The following ESRRG variants were observed in gnomAD, a reference collection of about 807,000 sequenced individuals.
ESRRG encodes the protein estrogen-related receptor gamma.
Under a neutral mutation model 44.0 loss-of-function variants are expected in ESRRG, and 13 were observed. The ratio of observed to expected loss-of-function variants is 0.30; its 90% CI spans 0.19 to 0.47. The LOEUF (loss-of-function observed/expected upper bound fraction) is 0.47. Among genes scored for constraint, ESRRG ranks in the 20% least tolerant of loss-of-function variants. The pLI, the probability that ESRRG is intolerant of heterozygous loss-of-function variation, is 1.00. For synonymous variants in ESRRG, 215 were observed against 214.6 expected (o/e 1.00, Z -0.02); for missense variants, 395 against 580.6 (o/e 0.68, Z 3.29).
chr1:216,610,208 G>C (rs2060446761), intron 3 of ESRRG, among the ~76,000 whole-genome samples: 1 of 128,914 alleles, frequency 7.8e-6, no homozygotes, highest in Admixed American at 7.7e-5. Context: ...AAAATTCAGT[G>C]CTTTTTTTTT....
chr1:216,952,588 T>G (rs968788225), intron 1 of ESRRG, among the ~76,000 whole-genome samples: 1 of 152,154 alleles, frequency 6.6e-6, no homozygotes, highest in Non-Finnish European at 1.5e-5. Flanking sequence ...CAAAATTTAT[T>G]CTTGGCAAAA....
At chr1:216,741,523 C>T (rs556359614) in intron 2 of ESRRG, among the ~76,000 whole-genome samples, 65 of 151,228 alleles carry the variant, frequency 4.3e-4, no homozygotes, top group Admixed American at 3.5e-3. Flanking sequence ...CACCTCCTCT[C>T]GGGAGGCATC....
chr1:217,000,435 T>TCC (rs2076879188), intron 1 of ESRRG: 1 of 152,210 alleles, frequency 6.6e-6, no homozygotes, highest in Non-Finnish European at 1.5e-5. Context: ...CCCTTGTCCC[T>TCC]GTGTCCAAAT....
chr1:216,827,423 A>C (rs1304382792), intron 2 of ESRRG, among the ~76,000 whole-genome samples: 1 of 152,150 alleles, frequency 6.6e-6, no homozygotes, highest in Non-Finnish European at 1.5e-5. Context: ...AACTGCAGGG[A>C]ATGCTGAGAT....
intron 2 of ESRRG, among the ~76,000 whole-genome samples, chr1:216,809,979 G>A (rs1278599450): frequency 6.6e-6 from 1 of 152,138 alleles, no homozygotes; most frequent in Non-Finnish European, 1.5e-5. Context: ...GAGTGCATAA[G>A]CTCAGGGAAT....
chr1:216,615,615 C>T (rs75785840), intron 3 of ESRRG, among the ~76,000 whole-genome samples: 4,579 of 152,248 alleles, frequency 0.03, 229 homozygotes, highest in African/African-American at 0.1. Context: ...TAATCTCCCC[C>T]TACCATCATA....
In ESRRG at chr1:216,908,555, T is replaced by G. The variant is rs565099755; in HGVS notation, c.-14+31027A>C. ...AGGTATTGTCACACACACACCAATT[T>G]CAGCTTGCTAGGACAGTCTGCTTTT... On this transcript the variant is annotated intron_variant, in intron 2 of 7. Coordinates refer to the ESRRG transcript ENST00000359162. Among the ~76,000 whole-genome samples, 7 of 152,334 alleles carry G rather than the reference T, an allele frequency of 4.6e-5. No homozygotes were observed. The East Asian group carries it at 1.4e-3, about 29-fold the overall frequency.
intron 1 of ESRRG, among the ~76,000 whole-genome samples, chr1:217,044,477 A>C (rs1024400399): frequency 1.3e-5 from 2 of 152,178 alleles, no homozygotes; most frequent in Non-Finnish European, 2.9e-5. Context: ...GAAATCTTTA[A>C]TTCATCTCTT....
intron 1 of ESRRG, among the ~76,000 whole-genome samples, chr1:217,119,048 T>C (rs1175240705): frequency 7.3e-6 from 1 of 136,914 alleles, no homozygotes; most frequent in Non-Finnish European, 1.6e-5. Context: ...GATAGATAGA[T>C]AGAGACACAG....
intron 1 of ESRRG, among the ~76,000 whole-genome samples, chr1:217,117,957 C>T (rs933564262): frequency 1.3e-5 from 2 of 152,170 alleles, no homozygotes; most frequent in East Asian, 1.9e-4. Flanking sequence ...GTTGCACTGA[C>T]CTTGCTTTCA....
At chr1:216,935,575 C>G (rs561900197) in intron 2 of ESRRG, among the ~76,000 whole-genome samples, 4 of 152,058 alleles carry the variant, frequency 2.6e-5, no homozygotes, top group African/African-American at 9.6e-5. Context: ...GTTCAGCAAT[C>G]CAGAAGCTCT....
chr1:217,058,008 G>T (rs2087501482), intron 1 of ESRRG, among the ~76,000 whole-genome samples: 1 of 152,042 alleles, frequency 6.6e-6, no homozygotes, highest in Non-Finnish European at 1.5e-5. Context: ...TTATAAGTAA[G>T]AAAAGCGAGG....
intron 2 of ESRRG, among the ~76,000 whole-genome samples, chr1:216,669,103 A>T (rs184829080): frequency 0.011 from 949 of 88,062 alleles, 10 homozygotes; most frequent in African/African-American, 0.026. Context: ...TAAACAGCTT[A>T]AAAAAAAAAC....
At chr1:216,975,285 C>G (rs753444048) in intron 1 of ESRRG, among the ~76,000 whole-genome samples, 4 of 152,194 alleles carry the variant, frequency 2.6e-5, no homozygotes, top group Non-Finnish European at 5.9e-5. Flanking sequence ...TCAATGTCCT[C>G]TCTCTTACCA....
intron 3 of ESRRG, among the ~76,000 whole-genome samples, chr1:216,631,270 T>C (rs898589244): frequency 1.3e-5 from 2 of 152,158 alleles, no homozygotes; most frequent in Admixed American, 6.5e-5. Context: ...TCAAACTGTG[T>C]ATGTATACAG....
At chr1:217,015,341 A>T (rs1408771864) in intron 1 of ESRRG, among the ~76,000 whole-genome samples, 2 of 152,242 alleles carry the variant, frequency 1.3e-5, no homozygotes, top group East Asian at 3.8e-4. Flanking sequence ...CTGCTGGAAA[A>T]GCAAAATTTC....
chr1:216,612,548 G>T (rs1393014317), intron 3 of ESRRG, among the ~76,000 whole-genome samples: 1 of 151,868 alleles, frequency 6.6e-6, no homozygotes, highest in South Asian at 2.1e-4. Context: ...CTCCTTTCTT[G>T]TTTCCCTCCC....
chr1:217,006,494 G>T (rs1383341536), intron 1 of ESRRG, among the ~76,000 whole-genome samples: 1 of 152,076 alleles, frequency 6.6e-6, no homozygotes, highest in African/African-American at 2.4e-5. Flanking sequence ...GTTGGAACTG[G>T]CTTAATAACA....
At chr1:216,836,080 G>A (rs1156417531) in intron 2 of ESRRG, among the ~76,000 whole-genome samples, 3 of 137,800 alleles carry the variant, frequency 2.2e-5, no homozygotes, top group Non-Finnish European at 4.5e-5. Flanking sequence ...GGACACAGCC[G>A]ATGCTGCGAT....
Sources: gnomAD v4.1 joint callset for allele counts (sites outside exome capture counted in the v4.1 genomes callset) on GRCh38, gnomAD v4.1.1 for gene constraint, MANE v1.5 for transcripts, NCBI Gene and HGNC (gene_info 2026-07-23, HGNC 2026-07-21) for gene names.